Variants in LRRC7 observed in about 807,000 individuals in gnomAD.
The protein encoded by LRRC7 is leucine rich repeat containing 7.
Under a neutral mutation model 175.7 loss-of-function variants are expected in LRRC7, and 23 were observed. That is an observed-to-expected ratio of 0.13 (90% confidence interval 0.09 to 0.19). The LOEUF (loss-of-function observed/expected upper bound fraction) is 0.19, where lower values mean the gene tolerates loss of function less well. LRRC7 is among the 10% of genes least tolerant of loss of function. The pLI is 1.00. For missense variants in LRRC7, 1,354 were observed against 1,904.7 expected (o/e 0.71, Z 5.38); for synonymous variants, 685 against 680.9 (o/e 1.01, Z -0.09).
intron 5 of LRRC7, among the ~76,000 whole-genome samples, chr1:69,833,197 A>G (rs1405687032): frequency 6.6e-6 from 1 of 152,186 alleles, no homozygotes; most frequent in East Asian, 1.9e-4. Context: ...ATGATGGCCA[A>G]TCAGTCACGT....
intron 1 of LRRC7, among the ~76,000 whole-genome samples, chr1:69,673,771 C>T (rs146971715): frequency 3.3e-5 from 5 of 152,168 alleles, no homozygotes; most frequent in Non-Finnish European, 5.9e-5. Context: ...AGGAACAAAA[C>T]GACTTTTAGT....
intron 10 of LRRC7, among the ~76,000 whole-genome samples, chr1:69,988,607 T>TA: frequency 6.6e-6 from 1 of 152,070 alleles, no homozygotes; most frequent in Admixed American, 6.6e-5. Context: ...AATCAGAACT[T>TA]ACAAAAGATT....
intron 5 of LRRC7, among the ~76,000 whole-genome samples, chr1:69,832,789 A>G (rs1274795096): frequency 6.6e-6 from 1 of 152,150 alleles, no homozygotes; most frequent in African/African-American, 2.4e-5. Flanking sequence ...GCCAATATTT[A>G]TAATAGCAAA....
intron 7 of LRRC7, chr1:69,873,693 T>C (rs956562285): frequency 3.8e-6 from 1 of 261,936 alleles, no homozygotes; most frequent in African/African-American, 2.2e-5. Context: ...CTGCCTAGTA[T>C]CTACAAAATG....
intron 1 of LRRC7, among the ~76,000 whole-genome samples, chr1:69,604,336 A>G (rs1164727223): frequency 6.6e-6 from 1 of 152,206 alleles, no homozygotes; most frequent in South Asian, 2.1e-4. Flanking sequence ...CTTCAAAACA[A>G]ACTGACTCTT....
At chr1:69,685,100 A>T (rs1660973334) in intron 2 of LRRC7, among the ~76,000 whole-genome samples, 1 of 152,238 alleles carries the variant, frequency 6.6e-6, no homozygotes, top group South Asian at 2.1e-4. Context: ...TGACACCAGC[A>T]GAGTTTTAGC....
At chr1:69,785,678 T>C (rs1279160105) in intron 3 of LRRC7, among the ~76,000 whole-genome samples, 1 of 152,182 alleles carries the variant, frequency 6.6e-6, no homozygotes, top group Non-Finnish European at 1.5e-5. Flanking sequence ...TTTGTTATTC[T>C]AGAAATGTAA....
chr1:69,858,144 A>C (rs1363928324), intron 7 of LRRC7, among the ~76,000 whole-genome samples: 1 of 152,192 alleles, frequency 6.6e-6, no homozygotes, highest in Non-Finnish European at 1.5e-5. Context: ...GTTAGACCTA[A>C]AACCATAAAA....
chr1:70,011,151 A>G (rs1023489932), intron 11 of LRRC7, among the ~76,000 whole-genome samples: 2 of 152,206 alleles, frequency 1.3e-5, no homozygotes, highest in Non-Finnish European at 2.9e-5. Context: ...AGCCCTGTCC[A>G]TAGCACCTGC....
At chr1:70,101,374 A>G (rs1241385118) in intron 25 of LRRC7, among the ~76,000 whole-genome samples, 1 of 152,216 alleles carries the variant, frequency 6.6e-6, no homozygotes, top group Admixed American at 6.5e-5. Flanking sequence ...ACTTTTCAGA[A>G]TTTTAAGGAA....
At chr1:69,661,449 T>C (rs1167140263) in intron 1 of LRRC7, among the ~76,000 whole-genome samples, 3 of 152,210 alleles carry the variant, frequency 2.0e-5, no homozygotes, top group African/African-American at 7.2e-5. Flanking sequence ...TGTTTTATTT[T>C]TCTCATCAAT....
intron 10 of LRRC7, 52 bp downstream of exon 10, chr1:69,986,438 T>C (rs781057927): frequency 6.6e-7 from 1 of 1,523,398 alleles, no homozygotes; most frequent in East Asian, 2.3e-5. Context: ...TACCATTTTC[T>C]TTTTTGGAAG....
intron 22 of LRRC7, among the ~76,000 whole-genome samples, chr1:70,050,899 G>T (rs1266776392): frequency 6.6e-6 from 1 of 151,844 alleles, no homozygotes; most frequent in Non-Finnish European, 1.5e-5. Flanking sequence ...AAACAAAAAG[G>T]CCAGAGTATT....
intron 23 of LRRC7, among the ~76,000 whole-genome samples, chr1:70,063,737 C>G (rs1423740867): frequency 1.3e-5 from 2 of 151,994 alleles, no homozygotes; most frequent in Non-Finnish European, 2.9e-5. Context: ...GAATATATGT[C>G]AGCATCATCA....
intron 1 of LRRC7, among the ~76,000 whole-genome samples, chr1:69,665,623 T>G (rs2100550877): frequency 6.6e-6 from 1 of 152,226 alleles, no homozygotes; most frequent in African/African-American, 2.4e-5. Context: ...TGTCTCAGAT[T>G]GTTCTCTGTT....
chr1:69,906,833 C>A (rs1223113042), intron 7 of LRRC7, among the ~76,000 whole-genome samples: 1 of 152,150 alleles, frequency 6.6e-6, no homozygotes, highest in Non-Finnish European at 1.5e-5. Context: ...GGCGTTGAAT[C>A]TATAAATTAC....
chr1:69,869,612 T>G (rs1045817755), intron 7 of LRRC7, among the ~76,000 whole-genome samples: 1 of 151,912 alleles, frequency 6.6e-6, no homozygotes, highest in Non-Finnish European at 1.5e-5. Context: ...ACATACCGAG[T>G]GATAAGAACA....
intron 2 of LRRC7, among the ~76,000 whole-genome samples, chr1:69,758,565 G>A (rs1355508964): frequency 2.6e-5 from 4 of 151,952 alleles, no homozygotes; most frequent in Non-Finnish European, 5.9e-5. Context: ...CGGGTAAATT[G>A]TATGTTGCAG....
At position 69,679,978 on chromosome 1, in the gene LRRC7, A is replaced by G. The variant is rs145043406; in HGVS notation, c.100+1500A>G. Among the ~76,000 whole-genome samples, 232 of 152,244 alleles carry G rather than the reference A, an allele frequency of 1.5e-3. 1 individual carries two copies. The highest frequency in any genetic ancestry group is 5.3e-3 in the African/African-American group (221 of 41,548). On this transcript the variant is annotated intron_variant, in intron 2 of 26. Transcript: ENST00000651989. ...TATTATGCACAACTGATTTTGCACT[A>G]CAAAGGAAGAATTGAGTAGTTGTGA...
Sources: gnomAD v4.1 joint callset for allele counts (sites outside exome capture counted in the v4.1 genomes callset) on GRCh38, gnomAD v4.1.1 for gene constraint, MANE v1.5 for transcripts, NCBI Gene and HGNC (gene_info 2026-07-23, HGNC 2026-07-21) for gene names.